COG5: variants seen among roughly 807,000 people sequenced by gnomAD.
COG5 encodes the protein component of oligomeric golgi complex 5.
In COG5, 86 loss-of-function variants were observed where a neutral mutation model predicts 110.4. The ratio of observed to expected loss-of-function variants is 0.78; its 90% CI spans 0.65 to 0.93. The LOEUF (loss-of-function observed/expected upper bound fraction) is 0.93, where lower values mean the gene tolerates loss of function less well. COG5 is among the 40% of genes least tolerant of loss of function. The pLI is 0.00. For synonymous variants in COG5, 360 were observed against 334.6 expected (o/e 1.08, Z -0.83); for missense variants, 1,077 against 987.0 (o/e 1.09, Z -1.22).
intron 6 of COG5, among the ~76,000 whole-genome samples, chr7:107,497,656 T>C (rs1198917069): frequency 6.6e-6 from 1 of 152,122 alleles, no homozygotes. Flanking sequence ...GACAAACAAA[T>C]GGAAATACTT....
chr7:107,500,400 G>A (rs1798563262), intron 6 of COG5, among the ~76,000 whole-genome samples: 1 of 152,128 alleles, frequency 6.6e-6, no homozygotes, highest in African/African-American at 2.4e-5. Flanking sequence ...CTCTGTAATT[G>A]CTACAGAAAC....
Position 107,474,910 on chromosome 7 carries a change from G to A in COG5, c.538+52327C>T, listed in dbSNP as rs1796878522. ...TGGTGGGAGAAATGTAGTCTTTGGT[G>A]TAAGAACTTCAGTTTCTGTAATAAT... On this transcript the variant is annotated intron_variant, in intron 6 of 21. Transcript: ENST00000297135. The surrounding 1 kb of genome is among the most constrained non-coding windows in gnomAD (Gnocchi z 5.7). The A allele has an allele frequency of 2.5e-6, 4 of 1,613,210 alleles. No individual in the cohort carries two copies. Among genetic ancestry groups the A allele is most frequent in the Non-Finnish European group, 3.4e-6 (4 of 1,179,494 alleles).
At chr7:107,532,002 C>T (rs1035524770) in intron 5 of COG5, among the ~76,000 whole-genome samples, 2 of 152,072 alleles carry the variant, frequency 1.3e-5, no homozygotes, top group African/African-American at 2.4e-5. Flanking sequence ...ATGCCCCAGA[C>T]CTGGAATCAA....
Position 107,202,532 on chromosome 7 carries a change from T to C in COG5, c.*984A>G, listed in dbSNP as rs1798405578. 1 of 151,900 alleles carries C rather than the reference T, an allele frequency of 6.6e-6. No individual in the cohort carries two copies. Among genetic ancestry groups the C allele is most frequent in the African/African-American group, 2.4e-5 (1 of 41,132 alleles). The allele number at this position is 151,900 out of a possible 1,614,324, so 9.4% of individuals were successfully genotyped here. On this transcript the variant is annotated 3_prime_UTR_variant, in exon 22 of 22. Coordinates refer to ENST00000297135, the MANE Select transcript of COG5 (RefSeq NM_006348.5). ...AAAAAAAAGTTGCTTATCTCTGACGTCTACTGATTGATTGATTGATTGATT... is the reference window on the plus strand; with the variant it reads ...AAAAAAAAGTTGCTTATCTCTGACGCCTACTGATTGATTGATTGATTGATT...
intron 11 of COG5, among the ~76,000 whole-genome samples, chr7:107,305,955 A>G (rs973820310): frequency 6.6e-6 from 1 of 152,172 alleles, no homozygotes; most frequent in Middle Eastern, 3.2e-3. Flanking sequence ...AGAAAAGATT[A>G]CAAAAGTGTG....
At chr7:107,494,077 G>A (rs896784562) in intron 6 of COG5, among the ~76,000 whole-genome samples, 11 of 151,728 alleles carry the variant, frequency 7.2e-5, no homozygotes, top group Admixed American at 5.9e-4. Flanking sequence ...TTGTTCTTTG[G>A]GAGTACAGAA....
At chr7:107,240,111 G>A (rs1002831070) in intron 17 of COG5, among the ~76,000 whole-genome samples, 1 of 152,136 alleles carries the variant, frequency 6.6e-6, no homozygotes, top group Non-Finnish European at 1.5e-5. Context: ...ATGTCAATCA[G>A]ATATTTACAT....
At chr7:107,261,609 C>T (rs1803357829) in intron 14 of COG5, among the ~76,000 whole-genome samples, 1 of 152,124 alleles carries the variant, frequency 6.6e-6, no homozygotes, top group South Asian at 2.1e-4. Context: ...TGCAATACTT[C>T]TTGATTAAAT....
At chr7:107,373,765 C>G (rs2129050532) in intron 7 of COG5, among the ~76,000 whole-genome samples, 1 of 152,174 alleles carries the variant, frequency 6.6e-6, no homozygotes, top group Middle Eastern at 3.4e-3. Flanking sequence ...TTTTCAGGCC[C>G]AAATAACTCA....
chr7:107,402,197 T>C (rs1791485168), intron 7 of COG5, among the ~76,000 whole-genome samples: 1 of 152,202 alleles, frequency 6.6e-6, no homozygotes, highest in Non-Finnish European at 1.5e-5. Context: ...TGACAGTTGA[T>C]AAGCACCAGG....
chr7:107,479,887 T>C (rs1364104197), intron 6 of COG5, among the ~76,000 whole-genome samples: 1 of 152,174 alleles, frequency 6.6e-6, no homozygotes, highest in African/African-American at 2.4e-5. Context: ...CTATTTTAAC[T>C]ATAAAAATAC....
intron 6 of COG5, among the ~76,000 whole-genome samples, chr7:107,525,593 C>T (rs1231876293): frequency 1.3e-5 from 2 of 151,184 alleles, no homozygotes; most frequent in African/African-American, 4.9e-5. Flanking sequence ...TGCTCTGTCA[C>T]CCAGGGTGGA....
intron 7 of COG5, among the ~76,000 whole-genome samples, chr7:107,406,387 T>C (rs919319740): frequency 2.0e-5 from 3 of 152,236 alleles, no homozygotes; most frequent in Non-Finnish European, 2.9e-5. Context: ...AACAGTCATC[T>C]ACTTTGATAA....
At chr7:107,435,251 T>C (rs1794294674) in intron 6 of COG5, among the ~76,000 whole-genome samples, 1 of 152,172 alleles carries the variant, frequency 6.6e-6, no homozygotes, top group South Asian at 2.1e-4. Flanking sequence ...AACATAGTAC[T>C]AAACTGTGCA....
At chr7:107,363,163 A>G (rs1462979277) in intron 8 of COG5, among the ~76,000 whole-genome samples, 1 of 152,210 alleles carries the variant, frequency 6.6e-6, no homozygotes. Flanking sequence ...TATCCACTGG[A>G]AAGTCAGAGA....
intron 7 of COG5, among the ~76,000 whole-genome samples, chr7:107,397,886 A>T (rs1791129687): frequency 1.3e-5 from 2 of 152,254 alleles, no homozygotes; most frequent in East Asian, 3.9e-4. Context: ...CTCAAAACGC[A>T]AAGGTATCCA....
chr7:107,463,240 G>T (rs1027686043), intron 6 of COG5, among the ~76,000 whole-genome samples: 11 of 152,218 alleles, frequency 7.2e-5, no homozygotes, highest in Non-Finnish European at 1.2e-4. Context: ...TGATACTAAG[G>T]CCAGGTCAGC....
intron 6 of COG5, among the ~76,000 whole-genome samples, chr7:107,467,292 T>C (rs2129105383): frequency 6.6e-6 from 1 of 152,286 alleles, no homozygotes; most frequent in South Asian, 2.1e-4. Context: ...ACAAAATATA[T>C]TAAATGCACA....
intron 19 of COG5, among the ~76,000 whole-genome samples, chr7:107,214,758 C>T (rs1157492050): frequency 6.6e-6 from 1 of 151,700 alleles, no homozygotes; most frequent in African/African-American, 2.4e-5. Context: ...CCTGTCTTTA[C>T]CAAAAGTACA....
Sources: gnomAD v4.1 joint callset for allele counts (sites outside exome capture counted in the v4.1 genomes callset) on GRCh38, gnomAD v4.1.1 for gene constraint, Gnocchi (gnomAD v3.1) non-coding constraint, MANE v1.5 for transcripts, NCBI Gene and HGNC (gene_info 2026-07-23, HGNC 2026-07-21) for gene names.